Variants in KCNH1 observed in about 807,000 individuals in gnomAD.
The protein encoded by KCNH1 is potassium voltage-gated channel subfamily H member 1, also known as voltage-gated delayed rectifier potassium channel KCNH1.
A neutral mutation model predicts 69.2 loss-of-function variants in KCNH1; 27 were observed. That is an observed-to-expected ratio of 0.39 (90% confidence interval 0.29 to 0.54). The LOEUF (loss-of-function observed/expected upper bound fraction) is 0.54. Among genes scored for constraint, KCNH1 ranks in the 20% least tolerant of loss-of-function variants. The pLI is 0.68. For missense variants in KCNH1, 798 were observed against 1,261.6 expected (o/e 0.63, Z 5.57); for synonymous variants, 456 against 487.7 (o/e 0.93, Z 0.86).
intron 7 of KCNH1, among the ~76,000 whole-genome samples, chr1:210,869,414 T>C (rs1473412989): frequency 6.6e-6 from 1 of 152,064 alleles, no homozygotes; most frequent in East Asian, 1.9e-4. Context: ...AAAGACCTTG[T>C]TTGTTAATTC....
At chr1:211,029,703 C>T (rs1052602449) in intron 5 of KCNH1, among the ~76,000 whole-genome samples, 1 of 151,638 alleles carries the variant, frequency 6.6e-6, no homozygotes, top group Non-Finnish European at 1.5e-5. Context: ...TGCAATAATG[C>T]AAAAAAAGGA....
intron 9 of KCNH1, among the ~76,000 whole-genome samples, chr1:210,786,001 T>G (rs1215270211): frequency 6.6e-6 from 1 of 152,148 alleles, no homozygotes; most frequent in African/African-American, 2.4e-5. Context: ...AAATAAAAGG[T>G]GATGCCTTGA....
intron 7 of KCNH1, among the ~76,000 whole-genome samples, chr1:210,904,615 A>C (rs762575186): frequency 6.6e-6 from 1 of 152,174 alleles, no homozygotes; most frequent in Non-Finnish European, 1.5e-5. Context: ...CAATTTTGGA[A>C]GCGGGACTGG....
At chr1:210,744,998 T>G (rs1683116884) in intron 10 of KCNH1, among the ~76,000 whole-genome samples, 1 of 106,478 alleles carries the variant, frequency 9.4e-6, no homozygotes, top group Non-Finnish European at 2.0e-5. Context: ...AGGTCAGGAA[T>G]TCGAGACCAG....
chr1:210,979,803 C>T (rs541412344), intron 6 of KCNH1, among the ~76,000 whole-genome samples: 293 of 152,264 alleles, frequency 1.9e-3, no homozygotes, highest in African/African-American at 6.2e-3. Flanking sequence ...CTATGTAATG[C>T]TTTTCTTATA....
chr1:210,801,893 A>C (rs990102024), intron 8 of KCNH1, among the ~76,000 whole-genome samples: 4 of 152,082 alleles, frequency 2.6e-5, no homozygotes, highest in African/African-American at 9.7e-5. Flanking sequence ...GTTTGGACTC[A>C]TCCTCCTTCT....
intron 7 of KCNH1, among the ~76,000 whole-genome samples, chr1:210,885,043 CA>C (rs1686572787): frequency 6.6e-6 from 1 of 152,240 alleles, no homozygotes; most frequent in Non-Finnish European, 1.5e-5. Context: ...TATTTGCCTT[CA>C]GTAGGCACTA....
intron 10 of KCNH1, among the ~76,000 whole-genome samples, chr1:210,770,823 AT>A (rs1683739271): frequency 6.6e-6 from 1 of 152,254 alleles, no homozygotes; most frequent in Non-Finnish European, 1.5e-5. Context: ...AAGAATGCCA[AT>A]ATGGGAACAG....
At chr1:211,054,665 G>A (rs1006315676) in intron 5 of KCNH1, among the ~76,000 whole-genome samples, 2 of 152,154 alleles carry the variant, frequency 1.3e-5, no homozygotes, top group Non-Finnish European at 2.9e-5. Flanking sequence ...TCTAAATACT[G>A]AGGTCCTTGT....
chr1:210,731,544 C>T (rs1163423755), intron 10 of KCNH1, among the ~76,000 whole-genome samples: 4 of 151,380 alleles, frequency 2.6e-5, no homozygotes, highest in Admixed American at 1.3e-4. Context: ...TAATGGAAGC[C>T]AGGAAGGAGA....
At chr1:210,904,792 A>C (rs2102540556) in intron 7 of KCNH1, among the ~76,000 whole-genome samples, 1 of 152,352 alleles carries the variant, frequency 6.6e-6, no homozygotes, top group East Asian at 1.9e-4. Flanking sequence ...GGAATTCCAC[A>C]GACATTATAT....
At chr1:210,882,047 T>A (rs1362318829) in intron 7 of KCNH1, among the ~76,000 whole-genome samples, 1 of 152,156 alleles carries the variant, frequency 6.6e-6, no homozygotes, top group Non-Finnish European at 1.5e-5. Context: ...CAATGATGTG[T>A]CAATGTAGTT....
chr1:210,832,527 C>A (rs1012640052), intron 7 of KCNH1, among the ~76,000 whole-genome samples: 1 of 152,114 alleles, frequency 6.6e-6, no homozygotes, highest in Non-Finnish European at 1.5e-5. Context: ...TATATAAATT[C>A]ATTTTTAAAA....
chr1:210,849,577 G>C (rs990157903), intron 7 of KCNH1, among the ~76,000 whole-genome samples: 4 of 151,910 alleles, frequency 2.6e-5, no homozygotes, highest in Non-Finnish European at 5.9e-5. Context: ...TGTTGGTTAG[G>C]CTGGTCTCAA....
rs1341820305 is a variant in KCNH1, at chr1:210,947,865, C to T, written c.1033-27796G>A. On this transcript the variant is annotated intron_variant, in intron 6 of 10. Transcript: ENST00000271751. ...TATCACTTAATCACTATGAAAGTTCCATGGAATGAGAACACTCCATCTTAT... is the reference window on the plus strand; with the variant it reads ...TATCACTTAATCACTATGAAAGTTCTATGGAATGAGAACACTCCATCTTAT... 5.9e-5 allele frequency among the ~76,000 whole-genome samples: 9 copies of T among 152,060 alleles called. No individual in the cohort carries two copies. In the South Asian group the frequency reaches 1.9e-3, roughly 32 times the overall value.
intron 9 of KCNH1, among the ~76,000 whole-genome samples, chr1:210,796,017 T>C (rs1196074864): frequency 1.4e-5 from 2 of 146,302 alleles, no homozygotes; most frequent in Non-Finnish European, 3.0e-5. Flanking sequence ...TAGCTGGGCA[T>C]GGTGGTGGGT....
At position 210,683,350 on chromosome 1, in the gene KCNH1, A is replaced by T. The variant is rs758861934; in HGVS notation, c.2901T>A (p.Pro967=). 6.2e-6 allele frequency: 10 copies of T among 1,613,940 alleles called. No individual in the cohort carries two copies. The highest frequency in any genetic ancestry group is 8.5e-6 in the Non-Finnish European group (10 of 1,180,010). ...GCCTCGATATTTCAAACAACTCCTG[A>T]GGAGACTGAGAGGATCTTCTGGAAG... ...ILTSRRSSQS[P]QELFEISRPQ... is the part of the protein sequence containing the mutation. The change falls in exon 11 of 11, where the codon CCT becomes CCA. Residue 967 remains proline, a synonymous_variant. Coordinates refer to ENST00000271751, the MANE Select transcript of KCNH1 (RefSeq NM_172362.3). This position sits in a 1 kb window ranked among gnomAD's most constrained non-coding sequence, Gnocchi z 5.7.
At chr1:210,975,528 G>A (rs567879980) in intron 6 of KCNH1, among the ~76,000 whole-genome samples, 1 of 152,320 alleles carries the variant, frequency 6.6e-6, no homozygotes, top group African/African-American at 2.4e-5. Flanking sequence ...AAATGGTGAT[G>A]GGGAAACTGG....
chr1:210,883,855 T>C (rs896795788), intron 7 of KCNH1, among the ~76,000 whole-genome samples: 22 of 152,216 alleles, frequency 1.4e-4, no homozygotes, highest in Admixed American at 4.6e-4. Context: ...TCAACAGAAA[T>C]TTATTACACT....
Sources: gnomAD v4.1 joint callset for allele counts (sites outside exome capture counted in the v4.1 genomes callset) on GRCh38, gnomAD v4.1.1 for gene constraint, Gnocchi (gnomAD v3.1) non-coding constraint, MANE v1.5 for transcripts, NCBI Gene and HGNC (gene_info 2026-07-23, HGNC 2026-07-21) for gene names.